The following AXIN1 variants were observed in gnomAD, a reference collection of about 807,000 sequenced individuals.
AXIN1 encodes axin-1.
AXIN1 carries 30 observed loss-of-function variants against 76.4 expected under a neutral mutation model. That is an observed-to-expected ratio of 0.39 (90% CI 0.29 to 0.53). AXIN1 has a LOEUF of 0.53. Among genes scored for constraint, AXIN1 ranks in the 20% least tolerant of loss-of-function variants. The pLI is 0.66. For synonymous variants in AXIN1, 545 were observed against 501.4 expected, an observed-to-expected ratio of 1.09 and a Z score of -1.16; for missense variants, 1,140 against 1,198.8, an observed-to-expected ratio of 0.95 and a Z score of 0.72.
rs143612783 is a variant in AXIN1, at chr16:313,244, G to C, written c.1019+1299C>G. Among the ~76,000 whole-genome samples the C allele has an allele frequency of 1.1e-4, 17 of 152,372 alleles. No homozygotes were observed. The East Asian group carries it at 3.3e-3, about 29-fold the overall frequency. On this transcript the variant is annotated intron_variant, in intron 3 of 10. Coordinates refer to ENST00000262320, the MANE Select transcript of AXIN1 (RefSeq NM_003502.4). ...TTGGGACCAGGAGACAGAAGCTACA[G>C]TAAGCCAAGATCGCACCATTGCAGT...
chr16:297,691 G>GC, intron 6 of AXIN1, 31 bp downstream of exon 6: 1 of 1,575,842 alleles, frequency 6.3e-7, no homozygotes, highest in South Asian at 1.1e-5. Flanking sequence ...CTCACCCCAA[G>GC]CCCCCTCCTC....
chr16:297,482 T>C (rs1481468722), intron 6 of AXIN1, among the ~76,000 whole-genome samples: 1 of 151,832 alleles, frequency 6.6e-6, no homozygotes, highest in Non-Finnish European at 1.5e-5. Flanking sequence ...GCTCACCCCC[T>C]GAAGACTGAG....
In AXIN1 at chr16:304,291, G is replaced by T; in HGVS notation, c.1254+13C>A. 1 of 1,610,624 alleles carries T rather than the reference G, an allele frequency of 6.2e-7. No homozygotes were observed. The highest frequency in any genetic ancestry group is 1.7e-5 in the Admixed American group (1 of 59,988). On this transcript the variant is annotated intron_variant, in intron 5 of 10. Transcript: ENST00000262320. ...CACCGACGCGGAGCGCGACACCGAC[G>T]CGGCCCACTCACCATGCGCACGCGC...
chr16:328,779 T>C (rs1394558370), intron 2 of AXIN1, among the ~76,000 whole-genome samples: 1 of 152,198 alleles, frequency 6.6e-6, no homozygotes, highest in African/African-American at 2.4e-5. Context: ...GAAAGGCACA[T>C]GGCAACGGGT....
chr16:349,995 G>C (rs887817346), intron 1 of AXIN1, among the ~76,000 whole-genome samples: 8 of 152,076 alleles, frequency 5.3e-5, no homozygotes, highest in African/African-American at 1.9e-4. Flanking sequence ...CACCACGTTG[G>C]CCAGGCTGGT....
chr16:294,460 CAAAAAAAAAAAAA>C (rs35746106), intron 7 of AXIN1, among the ~76,000 whole-genome samples: 1 of 48,288 alleles, frequency 2.1e-5, no homozygotes, highest in African/African-American at 8.5e-5. Flanking sequence ...GACTCCATCT[CAAAAAAAAAAAAA>C]AAAAAAAAAA....
intron 5 of AXIN1, among the ~76,000 whole-genome samples, chr16:301,443 A>T (rs2052870240): frequency 6.6e-6 from 1 of 152,004 alleles, no homozygotes. Flanking sequence ...AAGCCTTGAG[A>T]GTCACAGGTG....
At chr16:352,298 C>G (rs2054162645) in intron 1 of AXIN1, 71 bp downstream of exon 1, 3 of 916,130 alleles carry the variant, frequency 3.3e-6, no homozygotes, top group Non-Finnish European at 3.9e-6. Flanking sequence ...ACCCGCGCCC[C>G]CCGCCGCTTC....
chr16:301,225 C>G (rs552836926), intron 5 of AXIN1, among the ~76,000 whole-genome samples: 10 of 150,702 alleles, frequency 6.6e-5, no homozygotes, highest in African/African-American at 9.8e-5. Flanking sequence ...GAGCTGAGAT[C>G]GTGCCACTGC....
In AXIN1 at chr16:287,921, C is replaced by T. The variant is rs1418034249; in HGVS notation, c.*201G>A. On this transcript the variant is annotated 3_prime_UTR_variant, in exon 11 of 11. Transcript: ENST00000262320. ...TTGCTATGAGGAGTGGTCCAGGCTG[C>T]CTCCTTGGGGGCAGGACAGAAGCTT... 2 of 819,694 alleles carry T rather than the reference C, an allele frequency of 2.4e-6. No individual in the cohort carries two copies. The highest frequency in any genetic ancestry group is 2.1e-5 in the Admixed American group (1 of 48,658). 50.8% of individuals were successfully genotyped at this position (819,694 alleles called of 1,614,324 possible).
chr16:289,743 G>GCCCGAGGC lies in AXIN1; in HGVS notation c.2295-137_2295-136insGCCTCGGG, dbSNP rs550936034. On this transcript the variant is annotated intron_variant, in intron 9 of 10. Transcript: ENST00000262320. ...GCAGCACCCCATTCAAACACCTGGG[G>GCCCGAGGC]CCCGCAGCCCCCGCACAGCATCTCA... 4.3e-5 allele frequency: 47 copies of GCCCGAGGC among 1,083,450 alleles called. 1 individual carries two copies. The highest frequency in any genetic ancestry group is 2.6e-4 in the African/African-American group (17 of 64,180). 67.1% of individuals were successfully genotyped at this position (1,083,450 alleles called of 1,614,324 possible).
At chr16:339,481 A>G (rs2053872411) in intron 2 of AXIN1, among the ~76,000 whole-genome samples, 1 of 148,262 alleles carries the variant, frequency 6.7e-6, no homozygotes, top group Non-Finnish European at 1.5e-5. Context: ...ACTGCACTCC[A>G]GCCTTGGCGA....
chr16:297,318 A>G, intron 6 of AXIN1, 92 bp from the exon 7 acceptor site: 1 of 1,551,394 alleles, frequency 6.4e-7, no homozygotes, highest in South Asian at 1.1e-5. Context: ...GGCATCTGTA[A>G]GGCTCCCGTG....
At chr16:329,512 C>A (rs993497811) in intron 2 of AXIN1, among the ~76,000 whole-genome samples, 3 of 152,074 alleles carry the variant, frequency 2.0e-5, no homozygotes, top group Non-Finnish European at 2.9e-5. Flanking sequence ...ATGGCGTGAT[C>A]TTGGCTCAAT....
Position 287,489 on chromosome 16 carries a change from A to G in AXIN1, c.*633T>C. 2.8e-6 allele frequency: 1 copy of G among 362,746 alleles called. No individual in the cohort carries two copies. Among genetic ancestry groups the G allele is most frequent in the Non-Finnish European group, 4.9e-6 (1 of 203,318 alleles). 22.5% of individuals were successfully genotyped at this position (362,746 alleles called of 1,614,324 possible). A position where few individuals can be genotyped will look rare whatever the true frequency, so the allele number is the denominator to read the frequency against. ...CATTATTATCCAAGTACCTTTGAAA[A>G]GATAATTAATTGTACAAGTGTCATC... On this transcript the variant is annotated 3_prime_UTR_variant, in exon 11 of 11. Coordinates refer to ENST00000262320, the MANE Select transcript of AXIN1 (RefSeq NM_003502.4).
Position 350,482 on chromosome 16 carries a change from G to A in AXIN1, c.-82+1887C>T, listed in dbSNP as rs190814969. On this transcript the variant is annotated intron_variant, in intron 1 of 10. Coordinates refer to ENST00000262320, the MANE Select transcript of AXIN1 (RefSeq NM_003502.4). ...AAAATTCCCTTTCGTCACCGCTTAG[G>A]CATATGCTCCAGGCATCATGGCAGC... Among the ~76,000 whole-genome samples the A allele has an allele frequency of 1.5e-3, 227 of 152,310 alleles. 1 individual carries two copies. The highest frequency in any genetic ancestry group is 0.011 in the Admixed American group (172 of 15,304).
chr16:312,240 C>G (rs985384250), intron 3 of AXIN1, among the ~76,000 whole-genome samples: 11 of 152,334 alleles, frequency 7.2e-5, no homozygotes, highest in African/African-American at 2.4e-4. Flanking sequence ...CTGAGGGCAG[C>G]TGCCCCACCG....
intron 5 of AXIN1, among the ~76,000 whole-genome samples, chr16:298,895 A>G (rs1427180982): frequency 1.3e-5 from 2 of 151,928 alleles, no homozygotes; most frequent in East Asian, 3.9e-4. Context: ...CAGCCTCCCA[A>G]GTAGCTGAGA....
At chr16:303,384 ATT>A (rs111734984) in intron 5 of AXIN1, among the ~76,000 whole-genome samples, 4 of 142,984 alleles carry the variant, frequency 2.8e-5, no homozygotes, top group South Asian at 2.2e-4. Context: ...GCGGGAAGTG[ATT>A]TTTTTTTTTT....
Sources: allele counts gnomAD v4.1 joint callset (sites outside exome capture counted in the v4.1 genomes callset), GRCh38; gene constraint gnomAD v4.1.1; transcripts MANE v1.5; gene names NCBI Gene and HGNC (gene_info 2026-07-23, HGNC 2026-07-21).